AFF1: variants seen among roughly 807,000 people sequenced by gnomAD.
The protein encoded by AFF1 is AF4/FMR2 family member 1.
In AFF1, 48 loss-of-function variants were observed where a neutral mutation model predicts 121.7. The ratio of observed to expected loss-of-function variants is 0.39; its 90% CI spans 0.31 to 0.50. The LOEUF (loss-of-function observed/expected upper bound fraction) is 0.50. AFF1 is among the 20% of genes least tolerant of loss of function. The pLI is 0.76. For missense variants in AFF1, 1,523 were observed against 1,511.7 expected, an observed-to-expected ratio of 1.01 and a Z score of -0.12; for synonymous variants, 613 against 563.0, an observed-to-expected ratio of 1.09 and a Z score of -1.26.
chr4:87,052,011 C>G (rs112254168), intron 4 of AFF1, among the ~76,000 whole-genome samples: 7,459 of 152,204 alleles, frequency 0.049, 241 homozygotes, highest in Middle Eastern at 0.075. Context: ...GCACAGGACC[C>G]TCTGAGGAGG....
chr4:87,109,334 A>G (rs3822041), intron 11 of AFF1, among the ~76,000 whole-genome samples: 55,902 of 152,126 alleles, frequency 0.37, 12,707 homozygotes, highest in East Asian at 0.59. Context: ...AGGGAGGCTG[A>G]GAAAATAACT....
At chr4:87,002,536 ATTC>A (rs1403520952) in intron 2 of AFF1, among the ~76,000 whole-genome samples, 4 of 145,582 alleles carry the variant, frequency 2.7e-5, no homozygotes, top group African/African-American at 5.1e-5. Context: ...GGTTCAAGTA[ATTC>A]TTCTGCTTCT....
At chr4:87,077,983 G>T (rs1281937168) in intron 4 of AFF1, among the ~76,000 whole-genome samples, 1 of 152,136 alleles carries the variant, frequency 6.6e-6, no homozygotes, top group Non-Finnish European at 1.5e-5. Context: ...CATGTAGGAG[G>T]CAGTGCTAAA....
At chr4:87,062,111 A>G (rs1720844500) in intron 4 of AFF1, among the ~76,000 whole-genome samples, 2 of 152,182 alleles carry the variant, frequency 1.3e-5, no homozygotes, top group Non-Finnish European at 2.9e-5. Flanking sequence ...TTCCTGTATG[A>G]GTGATGAGAA....
Position 87,134,679 on chromosome 4 carries a change from A to G in AFF1, c.3520A>G (p.Thr1174Ala). Residue 1174 changes from threonine (T) to alanine (A), a missense_variant, in exon 20 of 21, where the codon ACG becomes GCG. By Grantham distance (58) the Thr-to-Ala change is moderately conservative. Coordinates refer to ENST00000395146, the MANE Select transcript of AFF1 (RefSeq NM_001166693.3). ...CCTTTGGGAACAGGCCGAGGCCCTC[A>G]CGAGGAAGAATAAAGGTAAATAAAT... ...FDLWEQAEAL[T>A]RKNKEFFARL... 6.2e-7 allele frequency: 1 copy of G among 1,613,366 alleles called. No individual in the cohort carries two copies. Among genetic ancestry groups the G allele is most frequent in the Non-Finnish European group, 8.5e-7 (1 of 1,179,470 alleles).
At chr4:86,939,185 C>T (rs1720275717) in intron 1 of AFF1, among the ~76,000 whole-genome samples, 2 of 152,212 alleles carry the variant, frequency 1.3e-5, no homozygotes, top group South Asian at 4.1e-4. Flanking sequence ...TTACCAACAG[C>T]TTTCACATGG....
chr4:87,008,815 C>CTACT (rs2149532234), intron 2 of AFF1, among the ~76,000 whole-genome samples: 1 of 152,254 alleles, frequency 6.6e-6, no homozygotes, highest in East Asian at 1.9e-4. Context: ...AAGAAAAACA[C>CTACT]TACTGTACCA....
chr4:87,053,405 C>A (rs1731456857), intron 4 of AFF1, among the ~76,000 whole-genome samples: 1 of 152,224 alleles, frequency 6.6e-6, no homozygotes, highest in Non-Finnish European at 1.5e-5. Context: ...AGCCTAACAA[C>A]TGCATGAATT....
chr4:86,949,080 C>G (rs1434640188), intron 2 of AFF1, among the ~76,000 whole-genome samples: 1 of 151,848 alleles, frequency 6.6e-6, no homozygotes, highest in African/African-American at 2.4e-5. Flanking sequence ...CATTTTGAAG[C>G]AGTTTTACAT....
At chr4:87,123,208 TTATATC>T (rs2149786579) in intron 12 of AFF1, among the ~76,000 whole-genome samples, 1 of 152,310 alleles carries the variant, frequency 6.6e-6, no homozygotes, top group East Asian at 1.9e-4. Flanking sequence ...ATTTTAATAA[TTATATC>T]TAATCCAGTA....
Position 87,090,065 on chromosome 4 carries a change from A to G in AFF1, c.1186A>G (p.Thr396Ala), listed in dbSNP as rs1234040578. The change falls in exon 6 of 21, where the codon ACA (threonine) becomes GCA (alanine). Residue 396 changes from threonine to alanine, a missense_variant. Thr to Ala is a moderately conservative substitution (Grantham distance 58). Transcript: ENST00000395146. ...TAEPSKFPFP[T>A]KDSQHVSSVT... Reference sequence around the variant, plus strand: ...TGAGCCATCCAAGTTTCCTTTCCCTACAAAGGTAATTCCTTAAAAGTATGG... The same window carrying G: ...TGAGCCATCCAAGTTTCCTTTCCCTGCAAAGGTAATTCCTTAAAAGTATGG... 4.3e-6 allele frequency: 7 copies of G among 1,613,160 alleles called. No individual in the cohort carries two copies. The highest frequency in any genetic ancestry group is 1.3e-5 in the African/African-American group (1 of 75,028).
chr4:87,131,872 T>G lies in AFF1; in HGVS notation c.3173+8T>G. 1 of 1,572,216 alleles carries G rather than the reference T, an allele frequency of 6.4e-7. No homozygotes were observed. The highest frequency in any genetic ancestry group is 8.6e-7 in the Non-Finnish European group (1 of 1,165,678). ...AATATTTGCTGTTTTATGGTGCGTATTTTCCTTTGTCTAAATAGTACTAAA... is the reference window on the plus strand; with the variant it reads ...AATATTTGCTGTTTTATGGTGCGTAGTTTCCTTTGTCTAAATAGTACTAAA... On this transcript the variant is annotated splice_region_variant and intron_variant, in intron 18 of 20. Coordinates refer to ENST00000395146, the MANE Select transcript of AFF1 (RefSeq NM_001166693.3).
intron 2 of AFF1, among the ~76,000 whole-genome samples, chr4:86,983,450 C>T (rs1189182257): frequency 2.0e-5 from 3 of 151,992 alleles, no homozygotes; most frequent in African/African-American, 4.8e-5. Flanking sequence ...CACTTGAACC[C>T]AGGAGGAGGC....
Position 87,135,758 on chromosome 4 carries a change from A to C in AFF1, c.*57A>C. 2.5e-6 allele frequency: 4 copies of C among 1,571,150 alleles called. No homozygotes were observed. The highest frequency in any genetic ancestry group is 1.2e-5 in the South Asian group (1 of 83,658). ...ACTATTTTTGCACATTGGAAGCCTC[A>C]AAAACAGTCCAGACATTTGTTTCAT... is the stretch of plus-strand genomic sequence containing the variant. On this transcript the variant is annotated 3_prime_UTR_variant, in exon 21 of 21. Transcript: ENST00000395146.
intron 4 of AFF1, among the ~76,000 whole-genome samples, chr4:87,080,195 T>TA (rs757828289): frequency 5.3e-5 from 8 of 152,176 alleles, no homozygotes; most frequent in Non-Finnish European, 8.8e-5. Context: ...TCTAGGAACC[T>TA]ATTAATAGAT....
chr4:87,099,984 G>A (rs112169045), intron 8 of AFF1, among the ~76,000 whole-genome samples: 22 of 152,250 alleles, frequency 1.4e-4, no homozygotes, highest in African/African-American at 4.8e-4. Flanking sequence ...GGCTTTGAAA[G>A]CTTTTGAAAA....
intron 4 of AFF1, among the ~76,000 whole-genome samples, chr4:87,051,636 G>C (rs1181286203): frequency 6.6e-6 from 1 of 151,590 alleles, no homozygotes; most frequent in Non-Finnish European, 1.5e-5. Context: ...AATTTTTTGT[G>C]TATATATTTT....
At chr4:87,096,900 A>C (rs1724926670) in intron 8 of AFF1, among the ~76,000 whole-genome samples, 1 of 151,870 alleles carries the variant, frequency 6.6e-6, no homozygotes, top group South Asian at 2.1e-4. Context: ...ACACCACCAC[A>C]CTTCCTTTAT....
At chr4:87,073,514 T>C (rs889363569) in intron 4 of AFF1, among the ~76,000 whole-genome samples, 1 of 152,104 alleles carries the variant, frequency 6.6e-6, no homozygotes, top group African/African-American at 2.4e-5. Flanking sequence ...TTTTTTTGTG[T>C]TTTGTTTTTA....
Sources: gnomAD v4.1 joint callset for allele counts (sites outside exome capture counted in the v4.1 genomes callset) on GRCh38, gnomAD v4.1.1 for gene constraint, MANE v1.5 for transcripts, NCBI Gene and HGNC (gene_info 2026-07-23, HGNC 2026-07-21) for gene names.